Variants in KCNQ1 observed in about 807,000 individuals in gnomAD.
KCNQ1 encodes potassium voltage-gated channel subfamily Q member 1, also known as potassium voltage-gated channel subfamily KQT member 1.
Under a neutral mutation model 72.4 loss-of-function variants are expected in KCNQ1, and 49 were observed. The ratio of observed to expected loss-of-function variants is 0.68; its 90% CI spans 0.54 to 0.86. The LOEUF is 0.86. Ranked by LOEUF, KCNQ1 falls within the 40% of genes least tolerant of loss-of-function variation. KCNQ1 has a pLI of 0.00. For missense variants in KCNQ1, 790 were observed against 945.1 expected, an observed-to-expected ratio of 0.84 and a Z score of 2.15; for synonymous variants, 450 against 412.6, an observed-to-expected ratio of 1.09 and a Z score of -1.10.
intron 10 of KCNQ1, chr11:2,625,633 T>C (rs1849250315): frequency 1.5e-5 from 6 of 396,274 alleles, no homozygotes; most frequent in Non-Finnish European, 2.7e-5. Context: ...CTGAGTGCAG[T>C]GGTGCCATCT....
chr11:2,831,327 G>C (rs1043371448), intron 15 of KCNQ1, among the ~76,000 whole-genome samples: 8 of 152,176 alleles, frequency 5.3e-5, no homozygotes, highest in African/African-American at 1.9e-4. Flanking sequence ...ACACCATCAG[G>C]GGGTGCTTGG....
chr11:2,622,931 A>G (rs1849199226), intron 10 of KCNQ1: 1 of 398,578 alleles, frequency 2.5e-6, no homozygotes, highest in South Asian at 1.3e-4. Flanking sequence ...TGGGGTGTAC[A>G]TTCTGTGGGT....
At chr11:2,847,258 C>T (rs1848349402) in intron 15 of KCNQ1, among the ~76,000 whole-genome samples, 1 of 152,228 alleles carries the variant, frequency 6.6e-6, no homozygotes, top group South Asian at 2.1e-4. Context: ...CATGAGCCAG[C>T]CTTGCTGAAC....
At chr11:2,829,765 G>A (rs990482073) in intron 15 of KCNQ1, among the ~76,000 whole-genome samples, 17 of 152,006 alleles carry the variant, frequency 1.1e-4, no homozygotes, top group African/African-American at 3.9e-4. Flanking sequence ...AGAGATAGTC[G>A]GTAGGGTTGA....
chr11:2,530,512 T>C (rs1847602197), intron 2 of KCNQ1, among the ~76,000 whole-genome samples: 1 of 152,248 alleles, frequency 6.6e-6, no homozygotes, highest in South Asian at 2.1e-4. Context: ...AGGCCCTTTG[T>C]ACCTCTGCAG....
intron 6 of KCNQ1, among the ~76,000 whole-genome samples, chr11:2,573,245 G>C (rs1848368948): frequency 6.6e-6 from 1 of 152,200 alleles, no homozygotes; most frequent in African/African-American, 2.4e-5. Context: ...GGAAATCGGA[G>C]GGGTCACTGG....
Position 2,660,196 on chromosome 11 carries a change from T to C in KCNQ1, c.1394-1765T>C, listed in dbSNP as rs77388263. The C allele has an allele frequency of 4.2e-3, 1,660 of 398,342 alleles. 31 individuals are homozygous for C. The highest frequency in any genetic ancestry group is 0.032 in the African/African-American group (1,537 of 48,696). The allele number at this position is 398,342 out of a possible 1,614,324, so 24.7% of individuals were successfully genotyped here. ...TTTATGTTTTATTTTAGATTTTTTT[T>C]CAGTAAGTTTGTATGTAGTACCCTT... On this transcript the variant is annotated intron_variant, in intron 10 of 15. Transcript: ENST00000155840.
At chr11:2,755,430 T>C (rs768926462) in intron 11 of KCNQ1, among the ~76,000 whole-genome samples, 33 of 152,222 alleles carry the variant, frequency 2.2e-4, no homozygotes, top group Non-Finnish European at 4.3e-4. Context: ...TTGTTTAATT[T>C]TGTGTAGAGG....
chr11:2,451,738 G>A lies in KCNQ1; in HGVS notation c.386+6254G>A, dbSNP rs1846121720. On this transcript the variant is annotated intron_variant, in intron 1 of 15. Transcript: ENST00000155840. The surrounding 1 kb of genome is among the most constrained non-coding windows in gnomAD (Gnocchi z 6.4). ...CAGGCCCCTGCCCGCTCTGGGACCT[G>A]GGGCCTGGGCTCTGCTCCCCATTTC... Among the ~76,000 whole-genome samples the A allele has an allele frequency of 6.6e-6, 1 of 152,178 alleles. No individual in the cohort carries two copies. The highest frequency in any genetic ancestry group is 1.5e-5 in the Non-Finnish European group (1 of 68,018).
At position 2,495,768 on chromosome 11, in the gene KCNQ1, AT is replaced by A. The variant is rs1435120973; in HGVS notation, c.387-32156del. ...TGTTTTACTTCCAGTTATGTGGTCA[AT>A]TTTAGAATAAGTGCTATGTGATGCT... On this transcript the variant is annotated intron_variant, in intron 1 of 15. Transcript: ENST00000155840. This position sits in a 1 kb window ranked among gnomAD's most constrained non-coding sequence, Gnocchi z 4.6. Among the ~76,000 whole-genome samples, 1 of 152,176 alleles carries A rather than the reference AT, an allele frequency of 6.6e-6. No individual in the cohort carries two copies. The highest frequency in any genetic ancestry group is 1.5e-5 in the Non-Finnish European group (1 of 68,032).
rs1037023063 is a variant in KCNQ1, at chr11:2,550,297, C to T, written c.478-20331C>T. ...GCAGTTGCAGAGCCGTGGCGCGGCG[C>T]CTGGATTTCCGACACACTGCAGCAT... On this transcript the variant is annotated intron_variant, in intron 2 of 15. Transcript: ENST00000155840. This position sits in a 1 kb window ranked among gnomAD's most constrained non-coding sequence, Gnocchi z 6.0. Among the ~76,000 whole-genome samples the T allele has an allele frequency of 5.3e-5, 8 of 152,182 alleles. No individual in the cohort carries two copies. The highest frequency in any genetic ancestry group is 1.2e-4 in the Non-Finnish European group (8 of 68,026).
chr11:2,575,003 G>A (rs1030829470), intron 6 of KCNQ1, among the ~76,000 whole-genome samples: 2 of 152,170 alleles, frequency 1.3e-5, no homozygotes, highest in Non-Finnish European at 2.9e-5. Context: ...GAGAGTTCCC[G>A]GGAGGCTGGT....
chr11:2,511,541 A>C (rs931181375), intron 1 of KCNQ1, among the ~76,000 whole-genome samples: 19 of 152,080 alleles, frequency 1.2e-4, no homozygotes, highest in African/African-American at 4.1e-4. Flanking sequence ...AGTGGTCTCC[A>C]TGCTCCCAGC....
intron 11 of KCNQ1, among the ~76,000 whole-genome samples, chr11:2,716,728 C>A (rs933597466): frequency 6.6e-6 from 1 of 152,232 alleles, no homozygotes; most frequent in East Asian, 1.9e-4. Context: ...ACGGGCAGCG[C>A]GGTGCTTCTC....
rs549149617 is a variant in KCNQ1 at position 2,549,752 on chromosome 11, G to A, written c.478-20876G>A. Among the ~76,000 whole-genome samples the A allele has an allele frequency of 1.1e-4, 17 of 152,208 alleles. No homozygotes were observed. In the South Asian group the frequency reaches 3.5e-3, roughly 32 times the overall value. ...TGGGGGTGCCTGGGGGGCAGTGGACGTGAGCAGCAGCACGTGGCCCCCAGT... is the reference window on the plus strand; with the variant it reads ...TGGGGGTGCCTGGGGGGCAGTGGACATGAGCAGCAGCACGTGGCCCCCAGT... On this transcript the variant is annotated intron_variant, in intron 2 of 15. Transcript: ENST00000155840. The surrounding 1 kb of genome is among the most constrained non-coding windows in gnomAD (Gnocchi z 6.2).
rs12282169 is a variant in KCNQ1, at chr11:2,821,737, C to T, written c.1795-26030C>T. Among the ~76,000 whole-genome samples, 836 of 152,276 alleles carry T rather than the reference C, an allele frequency of 5.5e-3. 7 individuals carry two copies. Among genetic ancestry groups the T allele is most frequent in the African/African-American group, 0.019 (802 of 41,540 alleles). On this transcript the variant is annotated intron_variant, in intron 15 of 15. Transcript: ENST00000155840. ...TGCCCATGACATCTCCCCACCTTTT[C>T]CTGGCTGCTATGTACTGGTCCTATA...
In KCNQ1 at chr11:2,839,846, C is replaced by G. The variant is rs1848165654; in HGVS notation, c.1795-7921C>G. On this transcript the variant is annotated intron_variant, in intron 15 of 15. Coordinates refer to ENST00000155840, the MANE Select transcript of KCNQ1 (RefSeq NM_000218.3). ...GGGTTCCAGCTCCCGTCGCCACTCC[C>G]CGACTGGATGCCAGAACGAGCCTGT... 1.3e-5 allele frequency: 2 copies of G among 152,206 alleles called. 1 individual carries two copies. The highest frequency in any genetic ancestry group is 4.1e-4 in the South Asian group (2 of 4,828). 9.4% of individuals were successfully genotyped at this position (152,206 alleles called of 1,614,324 possible).
chr11:2,802,830 C>A (rs1847295211), intron 15 of KCNQ1, among the ~76,000 whole-genome samples: 1 of 152,210 alleles, frequency 6.6e-6, no homozygotes, highest in Non-Finnish European at 1.5e-5. Flanking sequence ...AGCTGAGTGG[C>A]CACCCACCCT....
At chr11:2,791,771 G>A (rs1847028833) in intron 15 of KCNQ1, among the ~76,000 whole-genome samples, 1 of 136,302 alleles carries the variant, frequency 7.3e-6, no homozygotes, top group African/African-American at 2.7e-5. Flanking sequence ...GGCGGCAGGT[G>A]GATGCCCAGG....
Sources: allele counts gnomAD v4.1 joint callset (sites outside exome capture counted in the v4.1 genomes callset), GRCh38; gene constraint gnomAD v4.1.1; non-coding constraint Gnocchi (gnomAD v3.1); transcripts MANE v1.5; gene names NCBI Gene and HGNC (gene_info 2026-07-23, HGNC 2026-07-21).